Variants in PWWP2A observed in about 807,000 individuals in gnomAD.
The protein encoded by PWWP2A is PWWP domain-containing protein 2A.
In PWWP2A, 18 loss-of-function variants were observed where a neutral mutation model predicts 48.5. That is an observed-to-expected ratio of 0.37 (90% CI 0.26 to 0.55). The LOEUF is 0.55. PWWP2A is among the 20% of genes least tolerant of loss of function. The probability of loss-of-function intolerance (pLI) is 0.81; values close to 1 mark genes in which losing one functional copy is unlikely to be tolerated. For synonymous variants in PWWP2A, 396 were observed against 387.7 expected, an observed-to-expected ratio of 1.02 and a Z score of -0.25; for missense variants, 867 against 976.4, an observed-to-expected ratio of 0.89 and a Z score of 1.49.
chr5:160,064,202 C>G (rs1323512044), intron 4 of PWWP2A, among the ~76,000 whole-genome samples: 1 of 152,124 alleles, frequency 6.6e-6, no homozygotes, highest in East Asian at 1.9e-4. Flanking sequence ...CTCCTGACCT[C>G]AGGTGATCCA....
Position 160,092,771 on chromosome 5 carries a change from T to C in PWWP2A, c.1879A>G (p.Lys627Glu), listed in dbSNP as rs1755212948. 1 of 1,551,558 alleles carries C rather than the reference T, an allele frequency of 6.4e-7. No individual in the cohort carries two copies. The highest frequency in any genetic ancestry group is 8.7e-7 in the Non-Finnish European group (1 of 1,146,994). ...ATTTTCAAGGAATTACTGAGCTTTT[T>C]CTCTTCCTTTGAAGAGGAGGAAGTG... ...SSTSSSSKEEKKLSNSLKMKV... is the reference protein window; with the variant it reads ...SSTSSSSKEEEKLSNSLKMKV... Residue 627 changes from lysine to glutamate, a missense_variant, in exon 2 of 2, where the codon AAA becomes GAA. Lys to Glu is a moderately conservative substitution (Grantham distance 56). Coordinates refer to ENST00000307063, the MANE Select transcript of PWWP2A (RefSeq NM_001130864.2).
At chr5:160,114,577 A>G (rs1426325449) in intron 1 of PWWP2A, among the ~76,000 whole-genome samples, 1 of 152,128 alleles carries the variant, frequency 6.6e-6, no homozygotes, top group South Asian at 2.1e-4. Flanking sequence ...CAGCCTGGCC[A>G]ACACAGTAAA....
At chr5:160,059,126 A>G (rs994156875), downstream of PWWP2A, among the ~76,000 whole-genome samples, 1 of 152,200 alleles carries the variant, frequency 6.6e-6, no homozygotes, top group Non-Finnish European at 1.5e-5. Context: ...CTTTGAAGCC[A>G]GGCATTGAAT....
downstream of PWWP2A, among the ~76,000 whole-genome samples, chr5:160,074,000 G>C (rs1415515412): frequency 6.6e-6 from 1 of 151,746 alleles, no homozygotes; most frequent in Non-Finnish European, 1.5e-5. Flanking sequence ...AGGGGGCAGA[G>C]GTTGCAGTGA....
At chr5:160,099,678 ATTTT>A (rs747258403) in intron 1 of PWWP2A, among the ~76,000 whole-genome samples, 1 of 140,378 alleles carries the variant, frequency 7.1e-6, no homozygotes, top group Non-Finnish European at 1.6e-5. Flanking sequence ...CAAAAAAAAA[ATTTT>A]TTTTTTTTTT....
intron 1 of PWWP2A, among the ~76,000 whole-genome samples, chr5:160,099,423 T>C (rs763483589): frequency 1.4e-4 from 21 of 152,232 alleles, no homozygotes; most frequent in Non-Finnish European, 2.6e-4. Flanking sequence ...TTAAAAATAC[T>C]GCAACTGTCT....
intron 1 of PWWP2A, among the ~76,000 whole-genome samples, chr5:160,110,641 G>C (rs947581799): frequency 1.1e-4 from 17 of 152,026 alleles, no homozygotes; most frequent in African/African-American, 4.1e-4. Flanking sequence ...AGGAGGCAGA[G>C]GTTGCGGTGA....
At chr5:160,072,395 A>T (rs1753758544), downstream of PWWP2A, among the ~76,000 whole-genome samples, 1 of 152,206 alleles carries the variant, frequency 6.6e-6, no homozygotes, top group Non-Finnish European at 1.5e-5. Context: ...GGTGAAAATA[A>T]CGTTAGCGCA....
downstream of PWWP2A, among the ~76,000 whole-genome samples, chr5:160,073,836 G>C (rs991672339): frequency 6.6e-6 from 1 of 151,416 alleles, no homozygotes; most frequent in East Asian, 2.0e-4. Flanking sequence ...AGGTCAAAGC[G>C]GGTGGATCAC....
chr5:160,104,384 T>C (rs540203023), intron 1 of PWWP2A, among the ~76,000 whole-genome samples: 6 of 150,344 alleles, frequency 4.0e-5, no homozygotes, highest in South Asian at 2.1e-4. Flanking sequence ...TGAGCCATGA[T>C]GGCACCACTG....
At position 160,110,972 on chromosome 5, in the gene PWWP2A, C is replaced by CAA. The variant is rs1195225635; in HGVS notation, c.584+7831_584+7832dup. On this transcript the variant is annotated intron_variant, in intron 1 of 1. Coordinates refer to ENST00000307063, the MANE Select transcript of PWWP2A (RefSeq NM_001130864.2). ...CTTGAACCTGAGCAAGACTCTGTCT[C>CAA]AAAAAAAAAAAAAAAAAAAAAATGA... 9.2e-3 allele frequency among the ~76,000 whole-genome samples: 494 copies of CAA among 53,956 alleles called. 4 individuals are homozygous for CAA. Among genetic ancestry groups the CAA allele is most frequent in the African/African-American group, 0.028 (447 of 16,198 alleles). 35.4% of individuals were successfully genotyped at this position (53,956 alleles called of 152,430 possible). A position where few individuals can be genotyped will look rare whatever the true frequency, so the allele number is the denominator to read the frequency against.
At chr5:160,052,243 C>T in the PWWP2A span, among the ~76,000 whole-genome samples, 4 of 152,150 alleles carry the variant, frequency 2.6e-5, no homozygotes, top group South Asian at 2.1e-4. Flanking sequence ...CACGGTGGCT[C>T]CTGTAATCCC....
Position 160,092,268 on chromosome 5 carries a change from C to T in PWWP2A, c.*114G>A, listed in dbSNP as rs1212174600. On this transcript the variant is annotated 3_prime_UTR_variant, in exon 2 of 2. Coordinates refer to ENST00000307063, the MANE Select transcript of PWWP2A (RefSeq NM_001130864.2). ...AGGTAAGTATTAAAAAGCCAGCCAA[C>T]TGAGTGCAACTTCTCTCTCCAATCT... is the stretch of plus-strand genomic sequence containing the variant. The T allele has an allele frequency of 7.0e-7, 1 of 1,427,234 alleles. No individual in the cohort carries two copies. Among genetic ancestry groups the T allele is most frequent in the Admixed American group, 2.9e-5 (1 of 34,534 alleles). 88.4% of individuals were successfully genotyped at this position (1,427,234 alleles called of 1,614,324 possible).
At chr5:160,071,820 T>C (rs982933256), downstream of PWWP2A, among the ~76,000 whole-genome samples, 1 of 152,152 alleles carries the variant, frequency 6.6e-6, no homozygotes, top group African/African-American at 2.4e-5. Context: ...TCCTGTTGTT[T>C]TCTGTGATCA....
intron 1 of PWWP2A, among the ~76,000 whole-genome samples, chr5:160,106,288 T>G (rs970640288): frequency 1.3e-5 from 2 of 152,232 alleles, no homozygotes; most frequent in African/African-American, 4.8e-5. Flanking sequence ...ATTTACAATT[T>G]TAGGCAATTT....
chr5:160,091,451 C>CT lies in PWWP2A; in HGVS notation c.*930dup. Reference sequence around the variant, plus strand: ...CATTTTCTGACCTGCAAACAGATACCTTAAACGGAAATTATTTTGTTTTAA... The same window carrying CT: ...CATTTTCTGACCTGCAAACAGATACCTTTAAACGGAAATTATTTTGTTTTAA... On this transcript the variant is annotated 3_prime_UTR_variant, in exon 2 of 2. Transcript: ENST00000307063. 1.0e-6 allele frequency: 1 copy of CT among 976,730 alleles called. No homozygotes were observed. The highest frequency in any genetic ancestry group is 1.2e-6 in the Non-Finnish European group (1 of 825,462). 60.5% of individuals were successfully genotyped at this position (976,730 alleles called of 1,614,324 possible). A position where few individuals can be genotyped will look rare whatever the true frequency, so the allele number is the denominator to read the frequency against.
At chr5:160,104,225 G>A (rs1028846583) in intron 1 of PWWP2A, among the ~76,000 whole-genome samples, 1 of 152,016 alleles carries the variant, frequency 6.6e-6, no homozygotes, top group East Asian at 1.9e-4. Flanking sequence ...GGAGGTTGAG[G>A]CCAGGAATTT....
chr5:160,106,540 A>T (rs867171241), intron 1 of PWWP2A, among the ~76,000 whole-genome samples: 2 of 152,344 alleles, frequency 1.3e-5, no homozygotes, highest in Middle Eastern at 3.4e-3. Flanking sequence ...CACATTAAAA[A>T]AACAAGAAAT....
intron 1 of PWWP2A, among the ~76,000 whole-genome samples, chr5:160,098,411 TAAG>T (rs1755912127): frequency 6.6e-6 from 1 of 152,126 alleles, no homozygotes; most frequent in Admixed American, 6.5e-5. Context: ...TAAATCACTT[TAAG>T]AAGAAATGGG....
Sources: gnomAD v4.1 joint callset for allele counts (sites outside exome capture counted in the v4.1 genomes callset) on GRCh38, gnomAD v4.1.1 for gene constraint, MANE v1.5 for transcripts, NCBI Gene and HGNC (gene_info 2026-07-23, HGNC 2026-07-21) for gene names.